The following UTRN variants were observed in gnomAD, a reference collection of about 807,000 sequenced individuals.
The protein encoded by UTRN is utrophin, also known as dystrophin-related protein 1.
In UTRN, 283 loss-of-function variants were observed where a neutral mutation model predicts 463.9. The ratio of observed to expected loss-of-function variants is 0.61; its 90% confidence interval spans 0.55 to 0.67. The LOEUF (loss-of-function observed/expected upper bound fraction) is 0.67. Among genes scored for constraint, UTRN ranks in the 30% least tolerant of loss-of-function variants. The pLI is 0.00. For missense variants in UTRN, 3,922 were observed against 4,084.3 expected, an observed-to-expected ratio of 0.96 and a Z score of 1.08; for synonymous variants, 1,442 against 1,431.5, an observed-to-expected ratio of 1.01 and a Z score of -0.17.
At chr6:144,704,962 A>G (rs1237077829) in intron 53 of UTRN, among the ~76,000 whole-genome samples, 2 of 152,194 alleles carry the variant, frequency 1.3e-5, no homozygotes, top group African/African-American at 4.8e-5. Context: ...CTCCATCTCA[A>G]AAACAAACAA....
intron 54 of UTRN, among the ~76,000 whole-genome samples, chr6:144,744,451 A>ATATACATAATTTTACTTATGTATAT (rs1790474253): frequency 6.8e-6 from 1 of 147,670 alleles, no homozygotes; most frequent in South Asian, 2.1e-4. Context: ...TATGTATAAT[A>ATATACATAATTTTACTTATGTATAT]TATACATAAT....
chr6:144,651,967 CT>C (rs1562710374), intron 51 of UTRN, among the ~76,000 whole-genome samples: 1 of 152,072 alleles, frequency 6.6e-6, no homozygotes, highest in Non-Finnish European at 1.5e-5. Context: ...CCTCACCCCC[CT>C]CCCACACTTT....
chr6:144,678,882 C>T (rs926119833), intron 52 of UTRN, among the ~76,000 whole-genome samples: 1 of 152,054 alleles, frequency 6.6e-6, no homozygotes, highest in African/African-American at 2.4e-5. Flanking sequence ...TGACTAAGTA[C>T]TTGTTAGGAT....
chr6:144,720,124 A>C (rs1786956248), intron 53 of UTRN, among the ~76,000 whole-genome samples: 3 of 152,224 alleles, frequency 2.0e-5, no homozygotes. Flanking sequence ...AAAGATTTGC[A>C]GGATCCCATC....
At chr6:144,405,185 A>T (rs1009948546) in intron 3 of UTRN, among the ~76,000 whole-genome samples, 1 of 152,222 alleles carries the variant, frequency 6.6e-6, no homozygotes, top group Non-Finnish European at 1.5e-5. Context: ...GATGACTCTG[A>T]AAACTTTTAT....
At chr6:144,740,098 G>A (rs1789884649) in intron 54 of UTRN, among the ~76,000 whole-genome samples, 1 of 152,132 alleles carries the variant, frequency 6.6e-6, no homozygotes, top group Admixed American at 6.5e-5. Context: ...AGGAAACTGA[G>A]AGTCTGAGAG....
At chr6:144,432,948 T>C (rs1443794364) in intron 9 of UTRN, among the ~76,000 whole-genome samples, 5 of 152,116 alleles carry the variant, frequency 3.3e-5, no homozygotes, top group Non-Finnish European at 5.9e-5. Context: ...CCGCCCTTAA[T>C]CCATTTAACC....
chr6:144,474,808 TAGCTTCTCTC>T, intron 25 of UTRN, 49 bp downstream of exon 25: 1 of 1,576,354 alleles, frequency 6.3e-7, no homozygotes, highest in Non-Finnish European at 8.6e-7. Context: ...ATGTAGACTG[TAGCTTCTCTC>T]AGCTGACTAA....
At chr6:144,521,535 A>T (rs1796090924) in intron 39 of UTRN, among the ~76,000 whole-genome samples, 1 of 152,200 alleles carries the variant, frequency 6.6e-6, no homozygotes, top group South Asian at 2.1e-4. Context: ...TTATGGAAAC[A>T]TGTTTAACTT....
At chr6:144,768,498 T>TA (rs1430721154) in intron 58 of UTRN, among the ~76,000 whole-genome samples, 1 of 152,050 alleles carries the variant, frequency 6.6e-6, no homozygotes, top group Non-Finnish European at 1.5e-5. Flanking sequence ...CTTATACAAA[T>TA]ACAAAAAGAG....
intron 65 of UTRN, among the ~76,000 whole-genome samples, chr6:144,818,213 T>A (rs11155377): frequency 0.12 from 17,822 of 152,240 alleles, 1,163 homozygotes; most frequent in South Asian, 0.18. Context: ...ATATGAAATG[T>A]CCAGAATAAG....
chr6:144,774,379 C>A lies in UTRN; in HGVS notation c.8632+15C>A. On this transcript the variant is annotated intron_variant, in intron 60 of 74. Coordinates refer to ENST00000367545, the MANE Select transcript of UTRN (RefSeq NM_007124.3). ...AGCACTATGTTGTGAGTTATTCTAC[C>A]AAAGTTAATCAATCTGTTACTTGAA... 1 of 1,554,568 alleles carries A rather than the reference C, an allele frequency of 6.4e-7. No homozygotes were observed. The highest frequency in any genetic ancestry group is 8.6e-7 in the Non-Finnish European group (1 of 1,159,138).
intron 51 of UTRN, among the ~76,000 whole-genome samples, chr6:144,675,551 T>C (rs1407013871): frequency 2.0e-5 from 3 of 152,200 alleles, no homozygotes; most frequent in Non-Finnish European, 4.4e-5. Flanking sequence ...GGTTGTTCTG[T>C]TATGAGTTGC....
intron 3 of UTRN, among the ~76,000 whole-genome samples, chr6:144,413,630 C>G (rs903187944): frequency 6.6e-6 from 1 of 152,142 alleles, no homozygotes; most frequent in Non-Finnish European, 1.5e-5. Context: ...GGTGGGGACA[C>G]AGCCAAACTG....
Position 144,675,127 on chromosome 6 carries a change from A to G in UTRN, c.7480-3279A>G, listed in dbSNP as rs190983651. Among the ~76,000 whole-genome samples the G allele has an allele frequency of 1.6e-3, 244 of 152,242 alleles. 1 individual carries two copies. Among genetic ancestry groups the G allele is most frequent in the Non-Finnish European group, 2.0e-3 (137 of 68,016 alleles). ...CTGGAACTCACGGGCTACTGTTCAG[A>G]TTCTTTTGCCCCATAAGATGATCAC... On this transcript the variant is annotated intron_variant, in intron 51 of 74. Coordinates refer to ENST00000367545, the MANE Select transcript of UTRN (RefSeq NM_007124.3).
chr6:144,557,554 C>T (rs1361422432), intron 50 of UTRN, among the ~76,000 whole-genome samples: 3 of 151,786 alleles, frequency 2.0e-5, no homozygotes, highest in African/African-American at 4.8e-5. Flanking sequence ...TCAGCCTAAA[C>T]CTTGCCAATG....
intron 45 of UTRN, among the ~76,000 whole-genome samples, chr6:144,542,436 A>T (rs1176956995): frequency 6.6e-6 from 1 of 152,130 alleles, no homozygotes; most frequent in African/African-American, 2.4e-5. Context: ...TTGGTATTTG[A>T]TGGATGGGCA....
At chr6:144,578,633 C>A (rs549732361) in intron 51 of UTRN, among the ~76,000 whole-genome samples, 4 of 152,272 alleles carry the variant, frequency 2.6e-5, no homozygotes, top group South Asian at 2.1e-4. Context: ...CCGTGCCTGG[C>A]CTCCATTGTC....
At chr6:144,758,871 G>C (rs12212545) in intron 58 of UTRN, among the ~76,000 whole-genome samples, 5 of 152,046 alleles carry the variant, frequency 3.3e-5, no homozygotes, top group African/African-American at 1.2e-4. Flanking sequence ...TCTCAGGTTA[G>C]CTGTGTGACC....
Sources: allele counts gnomAD v4.1 joint callset (sites outside exome capture counted in the v4.1 genomes callset), GRCh38; gene constraint gnomAD v4.1.1; transcripts MANE v1.5; gene names NCBI Gene and HGNC (gene_info 2026-07-23, HGNC 2026-07-21).